The following SLC7A9 variants were observed in gnomAD, a reference collection of about 807,000 sequenced individuals.
SLC7A9 encodes the protein B(0,+)-type amino acid transporter 1.
SLC7A9 carries 38 observed loss-of-function variants against 54.1 expected under a neutral mutation model. That is an observed-to-expected ratio of 0.70 (90% CI 0.54 to 0.92). The LOEUF is 0.92. SLC7A9 is among the 40% of genes least tolerant of loss of function. The probability of loss-of-function intolerance (pLI) is 0.00; values close to 1 mark genes in which losing one functional copy is unlikely to be tolerated. For synonymous variants in SLC7A9, 264 were observed against 258.9 expected (o/e 1.02, Z -0.19); for missense variants, 537 against 636.1 (o/e 0.84, Z 1.68).
Position 32,869,764 on chromosome 19 carries a change from T to C in SLC7A9, c.-190A>G, listed in dbSNP as rs1969083635. The C allele has an allele frequency of 6.6e-6, 1 of 151,622 alleles. No individual in the cohort carries two copies. The highest frequency in any genetic ancestry group is 2.4e-5 in the African/African-American group (1 of 41,232). The allele number at this position is 151,622 out of a possible 1,614,324, so 9.4% of individuals were successfully genotyped here. A position where few individuals can be genotyped will look rare whatever the true frequency, so the allele number is the denominator to read the frequency against. ...TGCCTGCACGGTCCAACCCTAGAAA[T>C]GGCCATGTCTTGTGCCCAGGAGCAA... On this transcript the variant is annotated 5_prime_UTR_variant, in exon 1 of 13. Coordinates refer to ENST00000023064, the MANE Select transcript of SLC7A9 (RefSeq NM_014270.5).
At position 32,833,746 on chromosome 19, in the gene SLC7A9, G is replaced by A. The variant is rs931580398; in HGVS notation, c.1225-423C>T. Among the ~76,000 whole-genome samples the A allele has an allele frequency of 5.3e-5, 8 of 151,736 alleles. No individual in the cohort carries two copies. The South Asian group carries it at 1.5e-3, about 28-fold the overall frequency. On this transcript the variant is annotated intron_variant, in intron 11 of 12. Transcript: ENST00000023064. ...CAGGAGGCAGAGGTTGCAGTGAGCC[G>A]AGATTGCACCATTGCACTCTAGCCT...
chr19:32,856,533 G>A (rs78676942), intron 9 of SLC7A9, among the ~76,000 whole-genome samples: 3,086 of 152,244 alleles, frequency 0.02, 52 homozygotes, highest in Non-Finnish European at 0.033. Context: ...AAGTATGTGA[G>A]GTGATACATA....
At position 32,830,698 on chromosome 19, in the gene SLC7A9, C is replaced by A. The variant is rs1467368967; in HGVS notation, c.1400-14G>T. 5 of 1,608,074 alleles carry A rather than the reference C, an allele frequency of 3.1e-6. No homozygotes were observed. Among genetic ancestry groups the A allele is most frequent in the East Asian group, 2.2e-5 (1 of 44,842 alleles). On this transcript the variant is annotated splice_polypyrimidine_tract_variant and intron_variant, in intron 12 of 12. Transcript: ENST00000023064. ...TGGTAATCGGCTCTGAAATAAGAGT[C>A]AAAAATGAGTACAGTTAGTTAGACT...
intron 9 of SLC7A9, among the ~76,000 whole-genome samples, chr19:32,847,261 C>A (rs1968326134): frequency 6.6e-6 from 1 of 152,058 alleles, no homozygotes; most frequent in Non-Finnish European, 1.5e-5. Context: ...AAATTCAAAC[C>A]AATGGCAAAG....
intron 12 of SLC7A9, among the ~76,000 whole-genome samples, chr19:32,832,448 G>T (rs932531060): frequency 6.6e-6 from 1 of 151,872 alleles, no homozygotes; most frequent in Admixed American, 6.6e-5. Context: ...TTAGCTGGGC[G>T]TGGTGGTGCA....
rs1466523060 is a variant in SLC7A9 at position 32,833,290 on chromosome 19, T to G, written c.1258A>C (p.Ile420Leu). ...PVVIPVLMTL[I>L]SVFLVLAPII... ...GGAGCCAGAACCAAAAACACAGAGA[T>G]GAGTGTCATCAAGACGGGAATGACT... is the stretch of plus-strand genomic sequence containing the variant. Residue 420 changes from isoleucine (I) to leucine (L), a missense_variant, in exon 12 of 13, where the codon ATC becomes CTC. Physicochemically the swap from Ile to Leu is conservative, Grantham distance 5 (BLOSUM62 2). Transcript: ENST00000023064. 6.2e-7 allele frequency: 1 copy of G among 1,613,986 alleles called. No individual in the cohort carries two copies. Among genetic ancestry groups the G allele is most frequent in the Non-Finnish European group, 8.5e-7 (1 of 1,180,042 alleles).
chr19:32,863,528 G>A (rs1217736306), intron 4 of SLC7A9, among the ~76,000 whole-genome samples: 2 of 152,012 alleles, frequency 1.3e-5, no homozygotes, highest in African/African-American at 2.4e-5. Flanking sequence ...CCCGGCTAAT[G>A]TTTTGATTGT....
chr19:32,834,660 G>GTACT (rs1305772408), intron 11 of SLC7A9, among the ~76,000 whole-genome samples: 1 of 152,140 alleles, frequency 6.6e-6, no homozygotes, highest in African/African-American at 2.4e-5. Flanking sequence ...GGTGATTGGA[G>GTACT]TACTCATTAT....
chr19:32,859,391 A>G (rs1202266327), intron 8 of SLC7A9, among the ~76,000 whole-genome samples: 4 of 151,894 alleles, frequency 2.6e-5, no homozygotes, highest in Non-Finnish European at 5.9e-5. Flanking sequence ...CAGTGACCTC[A>G]ACACTTATCC....
chr19:32,840,492 C>T lies in SLC7A9; in HGVS notation c.1224+1676G>A, dbSNP rs183595849. ...TGTTCCTTCTTTTCCTTCTTGCCCACTCTTTATTTCTGAAATGATTTTTTT... is the reference window on the plus strand; with the variant it reads ...TGTTCCTTCTTTTCCTTCTTGCCCATTCTTTATTTCTGAAATGATTTTTTT... On this transcript the variant is annotated intron_variant, in intron 11 of 12. Coordinates refer to ENST00000023064, the MANE Select transcript of SLC7A9 (RefSeq NM_014270.5). 4.7e-4 allele frequency among the ~76,000 whole-genome samples: 71 copies of T among 152,230 alleles called. 1 individual carries two copies. The highest frequency in any genetic ancestry group is 1.7e-3 in the African/African-American group (70 of 41,542).
intron 5 of SLC7A9, 74 bp downstream of exon 5, chr19:32,862,387 G>T: frequency 6.3e-7 from 1 of 1,596,142 alleles, no homozygotes; most frequent in Non-Finnish European, 8.6e-7. Context: ...GGCTCGTGGG[G>T]CAAGGCTGCT....
At position 32,853,863 on chromosome 19, in the gene SLC7A9, G is replaced by C. The variant is rs143792830; in HGVS notation, c.977+4577C>G. On this transcript the variant is annotated intron_variant, in intron 9 of 12. Coordinates refer to ENST00000023064, the MANE Select transcript of SLC7A9 (RefSeq NM_014270.5). Reference sequence around the variant, plus strand: ...ACCTGGGAGGCAGATGTTGCAGTGAGCCAGGATCGTGTCACTGCATTCCAG... The same window carrying C: ...ACCTGGGAGGCAGATGTTGCAGTGACCCAGGATCGTGTCACTGCATTCCAG... 7.9e-3 allele frequency among the ~76,000 whole-genome samples: 1,182 copies of C among 149,740 alleles called. 16 individuals are homozygous for C. The highest frequency in any genetic ancestry group is 0.027 in the African/African-American group (1,119 of 40,852).
In SLC7A9 at chr19:32,838,752, CATATACAT is replaced by C. The variant is rs949897547; in HGVS notation, c.1224+3408_1224+3415del. ...TGTATAACAGACATGTAATGATACA[CATATACAT>C]ATATACATATATGCACATATATACA... is the stretch of plus-strand genomic sequence containing the variant. On this transcript the variant is annotated intron_variant, in intron 11 of 12. Coordinates refer to ENST00000023064, the MANE Select transcript of SLC7A9 (RefSeq NM_014270.5). Among the ~76,000 whole-genome samples the C allele has an allele frequency of 2.3e-4, 34 of 147,604 alleles. 1 individual carries two copies. The highest frequency in any genetic ancestry group is 4.2e-4 in the Non-Finnish European group (28 of 67,244).
At chr19:32,856,547 C>T (rs568747024) in intron 9 of SLC7A9, among the ~76,000 whole-genome samples, 1 of 152,224 alleles carries the variant, frequency 6.6e-6, no homozygotes, top group East Asian at 1.9e-4. Context: ...ATACATATGC[C>T]ATTCCACAAT....
chr19:32,865,951 A>ACT (rs67164147), intron 2 of SLC7A9, among the ~76,000 whole-genome samples: 93,472 of 144,302 alleles, frequency 0.65, 30,997 homozygotes, highest in East Asian at 0.85. Flanking sequence ...TGACAGTGAG[A>ACT]CTGTCTCAAA....
In SLC7A9 at chr19:32,833,328, A is replaced by C; in HGVS notation, c.1225-5T>G. The C allele has an allele frequency of 1.2e-6, 2 of 1,614,162 alleles. No individual in the cohort carries two copies. Among genetic ancestry groups the C allele is most frequent in the Non-Finnish European group, 1.7e-6 (2 of 1,179,986 alleles). ...GACGGGAATGACTACGGGCACCTGG[A>C]GACGAAAAACAGGTCATGGGTACCC... On this transcript the variant is annotated splice_polypyrimidine_tract_variant and splice_region_variant and intron_variant, in intron 11 of 12. Transcript: ENST00000023064.
At chr19:32,845,732 GCA>G (rs1326680699) in intron 9 of SLC7A9, among the ~76,000 whole-genome samples, 1 of 152,224 alleles carries the variant, frequency 6.6e-6, no homozygotes, top group African/African-American at 2.4e-5. Context: ...TTGAGGCCAG[GCA>G]CAGTGGTTCA....
At chr19:32,855,730 G>C (rs1481014658) in intron 9 of SLC7A9, among the ~76,000 whole-genome samples, 1 of 151,722 alleles carries the variant, frequency 6.6e-6, no homozygotes, top group Non-Finnish European at 1.5e-5. Context: ...ATGCAAGTTA[G>C]CTCACTGCAA....
In SLC7A9 at chr19:32,864,641, G is replaced by A; in HGVS notation, c.223C>T (p.Leu75Phe). ...CLIIWAACGVLATLGALCFAE... is the reference protein window; with the variant it reads ...CLIIWAACGVFATLGALCFAE... ...CAAGTCTCTTTACCCAGCGTCGCGA[G>A]GACCCCGCAAGCCGCCCATATGATG... Residue 75 changes from leucine to phenylalanine, a missense_variant, in exon 3 of 13, where the codon CTC becomes TTC. By Grantham distance (22) the Leu-to-Phe change is conservative. Transcript: ENST00000023064. The A allele has an allele frequency of 2.5e-6, 4 of 1,613,838 alleles. No individual in the cohort carries two copies. The highest frequency in any genetic ancestry group is 3.4e-6 in the Non-Finnish European group (4 of 1,180,032).
Sources: gnomAD v4.1 joint callset for allele counts (sites outside exome capture counted in the v4.1 genomes callset) on GRCh38, gnomAD v4.1.1 for gene constraint, MANE v1.5 for transcripts, NCBI Gene and HGNC (gene_info 2026-07-23, HGNC 2026-07-21) for gene names.